The following THUMPD2 variants were observed in gnomAD, a reference collection of about 807,000 sequenced individuals.
The protein encoded by THUMPD2 is U6 snRNA (guanine-N(2))-methyltransferase THUMPD2.
Under a neutral mutation model 49.4 loss-of-function variants are expected in THUMPD2, and 56 were observed. The observed-to-expected ratio is 1.13, with a 90% CI of 0.91 to 1.41. The LOEUF (loss-of-function observed/expected upper bound fraction) is 1.41. Among genes scored for constraint, THUMPD2 ranks in the 40% most tolerant of loss-of-function variants. The pLI, the probability that THUMPD2 is intolerant of heterozygous loss-of-function variation, is 0.00. For missense variants in THUMPD2, 709 were observed against 594.5 expected (o/e 1.19, Z -2.00); for synonymous variants, 237 against 205.2 (o/e 1.15, Z -1.32).
chr2:39,746,070 C>T (rs1170009050), intron 8 of THUMPD2, among the ~76,000 whole-genome samples: 1 of 152,172 alleles, frequency 6.6e-6, no homozygotes, highest in Admixed American at 6.5e-5. Flanking sequence ...TAGAACACGG[C>T]CTGGCACAAA....
At chr2:39,763,770 A>T (rs1029401421) in intron 5 of THUMPD2, among the ~76,000 whole-genome samples, 3 of 152,216 alleles carry the variant, frequency 2.0e-5, no homozygotes, top group African/African-American at 7.2e-5. Flanking sequence ...ATAACATCCA[A>T]GCTGTTTAAC....
chr2:39,772,448 G>A (rs1293335256), intron 1 of THUMPD2, among the ~76,000 whole-genome samples: 1 of 152,118 alleles, frequency 6.6e-6, no homozygotes, highest in African/African-American at 2.4e-5. Flanking sequence ...GATGCTAGAG[G>A]GAGAAGTAGG....
At chr2:39,753,674 A>T (rs1451773581) in intron 8 of THUMPD2, among the ~76,000 whole-genome samples, 1 of 152,188 alleles carries the variant, frequency 6.6e-6, no homozygotes, top group Non-Finnish European at 1.5e-5. Flanking sequence ...CTAGCTGCTC[A>T]AGCCAGAAAG....
intron 8 of THUMPD2, among the ~76,000 whole-genome samples, chr2:39,745,175 TTAAA>T (rs1243224186): frequency 8.5e-5 from 13 of 152,306 alleles, no homozygotes; most frequent in African/African-American, 2.9e-4. Flanking sequence ...CTAAATTCAG[TTAAA>T]TACTCATAAG....
intron 9 of THUMPD2, among the ~76,000 whole-genome samples, chr2:39,741,016 A>G (rs1001562700): frequency 8.5e-5 from 13 of 152,194 alleles, no homozygotes; most frequent in African/African-American, 2.9e-4. Context: ...CCAGAAACAC[A>G]TAATTTCTTA....
At chr2:39,756,602 G>A (rs1202898373) in intron 6 of THUMPD2, among the ~76,000 whole-genome samples, 1 of 152,158 alleles carries the variant, frequency 6.6e-6, no homozygotes, top group Non-Finnish European at 1.5e-5. Flanking sequence ...GGCCCCGTGG[G>A]GTTAAAGATT....
intron 9 of THUMPD2, among the ~76,000 whole-genome samples, chr2:39,743,580 GA>G (rs1674189731): frequency 6.6e-6 from 1 of 152,146 alleles, no homozygotes; most frequent in Non-Finnish European, 1.5e-5. Context: ...CCCTCCCTGT[GA>G]GGGGTGATAA....
chr2:39,761,749 T>A (rs1406616287), intron 5 of THUMPD2, among the ~76,000 whole-genome samples: 2 of 152,188 alleles, frequency 1.3e-5, no homozygotes, highest in Non-Finnish European at 2.9e-5. Flanking sequence ...AGACCTTTTT[T>A]TGCTATTTGA....
chr2:39,771,019 TTTACCTCTAATGC>T (rs1356403290), intron 2 of THUMPD2, among the ~76,000 whole-genome samples: 1 of 55,670 alleles, frequency 1.8e-5, no homozygotes, highest in African/African-American at 3.9e-5. Flanking sequence ...TTATGCCCCC[TTTACCTCTAATGC>T]TTGGTAAGTG....
intron 5 of THUMPD2, 68 bp from the exon 6 acceptor site, chr2:39,761,486 T>C: frequency 7.3e-7 from 1 of 1,373,690 alleles, no homozygotes; most frequent in Non-Finnish European, 1.0e-6. Context: ...ATGATTTACC[T>C]GTCCAAATCT....
chr2:39,766,210 TAA>T (rs1341950194), intron 4 of THUMPD2, 101 bp from the exon 5 acceptor site: 14 of 858,536 alleles, frequency 1.6e-5, no homozygotes, highest in Non-Finnish European at 2.4e-5. Context: ...ATCTATGTTT[TAA>T]AAAGAAACTC....
rs144665873 is a variant in THUMPD2, at chr2:39,743,560, T to G, written c.1187+810A>C. On this transcript the variant is annotated intron_variant, in intron 9 of 9. Coordinates refer to ENST00000505747, the MANE Select transcript of THUMPD2 (RefSeq NM_025264.5). The stretch of plus-strand genomic sequence containing the variant: ...ATTATGTGGGTAGATATCTCATGAA[T>G]AGATTAATGCCCTCCCTGTGAGGGG... Among the ~76,000 whole-genome samples, 653 of 152,260 alleles carry G rather than the reference T, an allele frequency of 4.3e-3. 5 individuals are homozygous for G. The highest frequency in any genetic ancestry group is 0.014 in the African/African-American group (602 of 41,550).
At chr2:39,744,067 G>A (rs78142326) in intron 9 of THUMPD2, among the ~76,000 whole-genome samples, 1,547 of 149,162 alleles carry the variant, frequency 0.01, 31 homozygotes, top group East Asian at 0.074. Context: ...TGTGAGGGAT[G>A]GAAGCAAATA....
At chr2:39,763,159 C>G (rs899984297) in intron 5 of THUMPD2, among the ~76,000 whole-genome samples, 2 of 152,012 alleles carry the variant, frequency 1.3e-5, no homozygotes, top group Non-Finnish European at 2.9e-5. Context: ...ATCCTCTTCT[C>G]TGCATGTGTG....
At chr2:39,750,857 A>G (rs529012254) in intron 8 of THUMPD2, among the ~76,000 whole-genome samples, 1 of 152,360 alleles carries the variant, frequency 6.6e-6, no homozygotes, top group Admixed American at 6.5e-5. Flanking sequence ...CTCAAGTTAT[A>G]TGTTCATCAG....
chr2:39,736,591 T>C lies in THUMPD2; in HGVS notation c.*144A>G. On this transcript the variant is annotated 3_prime_UTR_variant, in exon 10 of 10. Transcript: ENST00000505747. ...AAAGCAGAAACTCTTACCAAGCATG[T>C]GTACCCATCAGCCACACCTCCTGTC... is the stretch of plus-strand genomic sequence containing the variant. 3.1e-6 allele frequency: 2 copies of C among 646,024 alleles called. No homozygotes were observed. Among genetic ancestry groups the C allele is most frequent in the East Asian group, 5.5e-5 (2 of 36,432 alleles). The allele number at this position is 646,024 out of a possible 1,614,324, so 40.0% of individuals were successfully genotyped here.
At chr2:39,754,750 A>G (rs918502009) in intron 8 of THUMPD2, among the ~76,000 whole-genome samples, 3 of 152,310 alleles carry the variant, frequency 2.0e-5, no homozygotes, top group Non-Finnish European at 1.5e-5. Context: ...TAAACAGGGT[A>G]CTGTTTTCCC....
chr2:39,778,564 A>C (rs895942017), intron 1 of THUMPD2, among the ~76,000 whole-genome samples: 13 of 152,262 alleles, frequency 8.5e-5, no homozygotes, highest in Admixed American at 8.5e-4. Context: ...CCGATGCTTA[A>C]AACCTTGTTC....
intron 4 of THUMPD2, among the ~76,000 whole-genome samples, chr2:39,767,603 C>CAAAAAAA (rs57906396): frequency 0.016 from 1,112 of 67,558 alleles, 86 homozygotes; most frequent in East Asian, 0.065. Context: ...GACTCCGTCT[C>CAAAAAAA]AAAAAAAAAA....
Sources: allele counts gnomAD v4.1 joint callset (sites outside exome capture counted in the v4.1 genomes callset), GRCh38; gene constraint gnomAD v4.1.1; transcripts MANE v1.5; gene names NCBI Gene and HGNC (gene_info 2026-07-23, HGNC 2026-07-21).